Variants in DAB1 observed in about 807,000 individuals in gnomAD.
DAB1 encodes DAB adaptor protein 1.
In DAB1, 15 loss-of-function variants were observed where a neutral mutation model predicts 64.6. The ratio of observed to expected loss-of-function variants is 0.23; its 90% CI spans 0.16 to 0.36. The LOEUF (loss-of-function observed/expected upper bound fraction) is 0.36, where lower values mean the gene tolerates loss of function less well. Ranked by LOEUF, DAB1 falls within the 10% of genes least tolerant of loss-of-function variation. The probability of loss-of-function intolerance (pLI) is 1.00; values close to 1 mark genes in which losing one functional copy is unlikely to be tolerated. For missense variants in DAB1, 596 were observed against 706.7 expected (o/e 0.84, Z 1.78); for synonymous variants, 235 against 251.9 (o/e 0.93, Z 0.64).
intron 7 of DAB1, among the ~76,000 whole-genome samples, chr1:57,489,566 G>A (rs549745036): frequency 3.9e-5 from 6 of 152,240 alleles, no homozygotes; most frequent in South Asian, 4.1e-4. Flanking sequence ...CCTGTGGTTC[G>A]ATTACAAGTA....
In DAB1 at chr1:57,068,662, G is replaced by A. The variant is rs1287686067; in HGVS notation, c.663+698C>T. Among the ~76,000 whole-genome samples the A allele has an allele frequency of 4.6e-5, 7 of 152,016 alleles. No homozygotes were observed. In the South Asian group the frequency reaches 6.2e-4, roughly 14 times the overall value. ...ATATCTATTTGATGTGCTGCTATAC[G>A]GCAGTTACACAGACACTTTGGTGGA... On this transcript the variant is annotated intron_variant, in intron 8 of 14. Transcript: ENST00000371236.
intron 4 of DAB1, among the ~76,000 whole-genome samples, chr1:58,225,633 TA>T (rs36193866): frequency 0.21 from 32,292 of 151,656 alleles, 3,877 homozygotes; most frequent in East Asian, 0.46. Context: ...TATGCAGCCA[TA>T]AAAAAGGATG....
At chr1:57,016,122 G>A (rs1174683937) in intron 11 of DAB1, among the ~76,000 whole-genome samples, 1 of 152,184 alleles carries the variant, frequency 6.6e-6, no homozygotes, top group Non-Finnish European at 1.5e-5. Context: ...ACCTGACACA[G>A]GATCAACATT....
At chr1:57,836,074 T>A (rs1413407416) in intron 1 of DAB1, among the ~76,000 whole-genome samples, 2 of 152,140 alleles carry the variant, frequency 1.3e-5, no homozygotes, top group African/African-American at 4.8e-5. Context: ...CCCCATAAAG[T>A]GTGGAAAGAA....
intron 7 of DAB1, chr1:57,605,973 A>T: frequency 1.5e-6 from 1 of 682,964 alleles, no homozygotes; most frequent in Non-Finnish European, 2.7e-6. Context: ...TCTGGAAACG[A>T]CCTCATGTCT....
intron 7 of DAB1, among the ~76,000 whole-genome samples, chr1:57,572,749 A>G (rs934659180): frequency 1.3e-5 from 2 of 152,178 alleles, no homozygotes; most frequent in Non-Finnish European, 2.9e-5. Flanking sequence ...TTCTGCAGGC[A>G]TTACGGGAAG....
chr1:58,112,327 G>T (rs1271821101), intron 5 of DAB1, among the ~76,000 whole-genome samples: 3 of 152,162 alleles, frequency 2.0e-5, no homozygotes, highest in Non-Finnish European at 4.4e-5. Context: ...CTTGTTCAGG[G>T]CCATATGCAA....
At chr1:58,536,987 A>T (rs952399575) in intron 1 of DAB1, among the ~76,000 whole-genome samples, 2 of 152,168 alleles carry the variant, frequency 1.3e-5, no homozygotes, top group Non-Finnish European at 2.9e-5. Context: ...TATTTTAAGG[A>T]TAAACACTAA....
chr1:58,035,845 C>A (rs924560010), intron 5 of DAB1, among the ~76,000 whole-genome samples: 1 of 152,180 alleles, frequency 6.6e-6, no homozygotes, highest in Non-Finnish European at 1.5e-5. Context: ...AGGAAAACTG[C>A]AGCTTTGGGA....
intron 3 of DAB1, among the ~76,000 whole-genome samples, chr1:58,385,180 G>A (rs375976790): frequency 2.6e-5 from 4 of 152,204 alleles, no homozygotes; most frequent in African/African-American, 7.2e-5. Context: ...TGTGGTGATG[G>A]TAGCAGGAGT....
chr1:58,186,802 C>G (rs1409828964), intron 4 of DAB1, among the ~76,000 whole-genome samples: 1 of 152,190 alleles, frequency 6.6e-6, no homozygotes, highest in Non-Finnish European at 1.5e-5. Context: ...CAAGTTTCCT[C>G]CTCTCTATGT....
chr1:58,109,755 G>A (rs1183932245), intron 5 of DAB1, among the ~76,000 whole-genome samples: 1 of 151,348 alleles, frequency 6.6e-6, no homozygotes, highest in Non-Finnish European at 1.5e-5. Context: ...TGGCAAAGGG[G>A]GTATAGTAAA....
At chr1:57,116,790 G>A (rs1478844031) in intron 4 of DAB1, among the ~76,000 whole-genome samples, 1 of 152,176 alleles carries the variant, frequency 6.6e-6, no homozygotes, top group Non-Finnish European at 1.5e-5. Flanking sequence ...TGCCATCCTT[G>A]AAATATACAG....
Position 57,587,287 on chromosome 1 carries a change from C to T in DAB1, n.625+62305G>A, listed in dbSNP as rs1645391932. On this transcript the variant is annotated intron_variant and non_coding_transcript_variant, in intron 7 of 20. Coordinates refer to the DAB1 transcript ENST00000485760. ...TAGCAACATCTACAGGGTTTCACAGCTTGCTAAGAGGTCTCTAAGGGATAA... is the reference window on the plus strand; with the variant it reads ...TAGCAACATCTACAGGGTTTCACAGTTTGCTAAGAGGTCTCTAAGGGATAA... Among the ~76,000 whole-genome samples, 2 of 152,148 alleles carry T rather than the reference C, an allele frequency of 1.3e-5. 1 individual carries two copies. The highest frequency in any genetic ancestry group is 4.1e-4 in the South Asian group (2 of 4,830).
In DAB1 at chr1:57,062,938, G is replaced by A. The variant is rs778399446; in HGVS notation, c.669C>T (p.Pro223=). Residue 223 remains proline, a synonymous_variant, in exon 9 of 15, where the codon CCC becomes CCT. Coordinates refer to ENST00000371236, the MANE Select transcript of DAB1 (RefSeq NM_001365792.1). ...PETEENIYQV[P]TSQKKEGVYD... ...AAACACCTTCCTTCTTTTGGCTGGTGGGAACCTATGGAAAAATTAAATTCA... is the reference window on the plus strand; with the variant it reads ...AAACACCTTCCTTCTTTTGGCTGGTAGGAACCTATGGAAAAATTAAATTCA... 6.1e-5 allele frequency: 98 copies of A among 1,613,868 alleles called. No individual in the cohort carries two copies. The highest frequency in any genetic ancestry group is 7.9e-5 in the Non-Finnish European group (93 of 1,179,880).
chr1:57,647,157 G>C (rs1402872494), intron 7 of DAB1, among the ~76,000 whole-genome samples: 1 of 152,120 alleles, frequency 6.6e-6, no homozygotes, highest in East Asian at 1.9e-4. Context: ...CTGAAGCCTG[G>C]AAGTCCTTCC....
At chr1:58,445,675 G>A (rs1182680365) in intron 3 of DAB1, among the ~76,000 whole-genome samples, 1 of 152,184 alleles carries the variant, frequency 6.6e-6, no homozygotes, top group Non-Finnish European at 1.5e-5. Flanking sequence ...CCCTCTTCTG[G>A]AGAAATAGGG....
intron 1 of DAB1, among the ~76,000 whole-genome samples, chr1:57,315,992 G>A (rs1369954588): frequency 1.3e-5 from 2 of 152,088 alleles, no homozygotes; most frequent in African/African-American, 4.8e-5. Flanking sequence ...CTTTTAAAAC[G>A]AGTTTAGGAT....
At chr1:57,893,008 T>C (rs1215298655) in intron 5 of DAB1, among the ~76,000 whole-genome samples, 1 of 114,096 alleles carries the variant, frequency 8.8e-6, no homozygotes, top group African/African-American at 3.4e-5. Flanking sequence ...CCCTAGAGTT[T>C]TTGCTTCAGT....
Sources: gnomAD v4.1 joint callset for allele counts (sites outside exome capture counted in the v4.1 genomes callset) on GRCh38, gnomAD v4.1.1 for gene constraint, MANE v1.5 for transcripts, NCBI Gene and HGNC (gene_info 2026-07-23, HGNC 2026-07-21) for gene names.